Variants in SPTA1 observed in about 807,000 individuals in gnomAD.
The protein encoded by SPTA1 is spectrin alpha, erythrocytic 1.
In SPTA1, 177 loss-of-function variants were observed where a neutral mutation model predicts 324.7. The observed-to-expected ratio is 0.55, with a 90% CI of 0.48 to 0.62. The LOEUF (loss-of-function observed/expected upper bound fraction) is 0.62, where lower values mean the gene tolerates loss of function less well. Ranked by LOEUF, SPTA1 falls within the 20% of genes least tolerant of loss-of-function variation. The pLI, the probability that SPTA1 is intolerant of heterozygous loss-of-function variation, is 0.00. For synonymous variants in SPTA1, 1,195 were observed against 1,041.3 expected (o/e 1.15, Z -2.84); for missense variants, 3,162 against 2,883.6 (o/e 1.10, Z -2.21).
At chr1:158,679,523 A>G (rs564580077) in intron 5 of SPTA1, among the ~76,000 whole-genome samples, 1 of 152,238 alleles carries the variant, frequency 6.6e-6, no homozygotes, top group African/African-American at 2.4e-5. Context: ...ACTGGTATGT[A>G]AGAAGCATGG....
At position 158,652,524 on chromosome 1, in the gene SPTA1, A is replaced by G. The variant is rs1338806593; in HGVS notation, c.3318T>C (p.Thr1106=). 6.2e-7 allele frequency: 1 copy of G among 1,614,042 alleles called. No individual in the cohort carries two copies. Among genetic ancestry groups the G allele is most frequent in the Non-Finnish European group, 8.5e-7 (1 of 1,180,042 alleles). ...EWIQEKKAEN[T]GVELDDVWEL... The stretch of plus-strand genomic sequence containing the variant: ...CCCAAACATCATCTAGTTCCACTCC[A>G]GTGTTTTCTGCCTTTTTCTCTTGAA... Residue 1106 remains threonine, a synonymous_variant, in exon 23 of 52, where the codon ACT becomes ACC. Coordinates refer to ENST00000643759, the MANE Select transcript of SPTA1 (RefSeq NM_003126.4).
intron 39 of SPTA1, among the ~76,000 whole-genome samples, chr1:158,633,845 A>G (rs1194896936): frequency 6.6e-6 from 1 of 152,134 alleles, no homozygotes; most frequent in African/African-American, 2.4e-5. Flanking sequence ...GTATAGGTTT[A>G]AGTTATCTTT....
Position 158,648,516 on chromosome 1 carries a change from C to G in SPTA1, c.3707G>C (p.Gly1236Ala). 1 of 1,613,880 alleles carries G rather than the reference C, an allele frequency of 6.2e-7. No homozygotes were observed. Among genetic ancestry groups the G allele is most frequent in the Non-Finnish European group, 8.5e-7 (1 of 1,179,882 alleles). Residue 1236 changes from glycine (G) to alanine (A), a missense_variant, in exon 26 of 52, where the codon GGA becomes GCA. Physicochemically the swap from Gly to Ala is moderately conservative, Grantham distance 60 (BLOSUM62 0). Coordinates refer to ENST00000643759, the MANE Select transcript of SPTA1 (RefSeq NM_003126.4). ...TTGAAGGACTTGTCTCACCTTATCT[C>G]CCAGGGGTACGAGGTCCCTTTCAAA... is the stretch of plus-strand genomic sequence containing the variant. ...EGFERDLVPL[G>A]DKVTILGETA... is the part of the protein sequence containing the mutation.
chr1:158,674,544 T>C lies in SPTA1; in HGVS notation c.1244A>G (p.His415Arg), dbSNP rs1654267532. 1 of 1,614,110 alleles carries C rather than the reference T, an allele frequency of 6.2e-7. No homozygotes were observed. The highest frequency in any genetic ancestry group is 1.1e-5 in the South Asian group (1 of 91,088). Residue 415 changes from histidine (H) to arginine (R), a missense_variant, in exon 9 of 52, where the codon CAT becomes CGT. By Grantham distance (29) the His-to-Arg change is conservative (BLOSUM62 0). Coordinates refer to ENST00000643759, the MANE Select transcript of SPTA1 (RefSeq NM_003126.4). ...TGGGCAGCCTTTCTTCTCTACCTTA[T>C]GCTGCTGATGCCTGTCCAGCAGAAC... ...GEVLLDRHQQ[H>R]KHEIDSYDDR...
In SPTA1 at chr1:158,614,216, A is replaced by G. The variant is rs374925419; in HGVS notation, c.6842+37T>C. ...TGTAGACTCATTCTGAATAATCTGA[A>G]AAACAAAGAAGCAGTTAACTATGAA... On this transcript the variant is annotated intron_variant, in intron 49 of 51. Coordinates refer to ENST00000643759, the MANE Select transcript of SPTA1 (RefSeq NM_003126.4). The G allele has an allele frequency of 8.9e-6, 13 of 1,453,934 alleles. No individual in the cohort carries two copies. The African/African-American group carries it at 1.7e-4, about 19-fold the overall frequency. 90.1% of individuals were successfully genotyped at this position (1,453,934 alleles called of 1,614,324 possible).
rs754835014 is a variant in SPTA1 at position 158,615,203 on chromosome 1, AC to A, written c.6788+12del. On this transcript the variant is annotated intron_variant, in intron 48 of 51. Transcript: ENST00000643759. ...CTGCATCCCTCCCTGCTCTGGCCAC[AC>A]GCCCTCAATACTTGGCCTGGATCTG... 6.2e-7 allele frequency: 1 copy of A among 1,612,724 alleles called. No individual in the cohort carries two copies. The highest frequency in any genetic ancestry group is 1.1e-5 in the South Asian group (1 of 91,014).
Position 158,623,160 on chromosome 1 carries a change from C to T in SPTA1, c.5943G>A (p.Gln1981=), listed in dbSNP as rs139443888. 8.1e-6 allele frequency: 13 copies of T among 1,614,146 alleles called. No individual in the cohort carries two copies. The African/African-American group carries it at 1.6e-4, about 20-fold the overall frequency. ...DTLDASLQSF[Q]QERLPEITDL... is the part of the protein sequence containing the mutation. ...CAGTGATCTCGGGAAGTCTCTCTTG[C>T]TGGAAACTCTGCAGACTGGCATCCA... The change falls in exon 43 of 52, where the codon CAG becomes CAA. Residue 1981 remains glutamine (Q), a synonymous_variant. Transcript: ENST00000643759.
intron 29 of SPTA1, 90 bp downstream of exon 29, chr1:158,645,098 T>A: frequency 7.3e-7 from 1 of 1,362,414 alleles, no homozygotes; most frequent in Non-Finnish European, 1.0e-6. Context: ...ACGTGGAAAG[T>A]CTAGTGAACG....
At position 158,627,716 on chromosome 1, in the gene SPTA1, A is replaced by G; in HGVS notation, c.5573T>C (p.Leu1858Pro). ...GDTLAATQSL[L>P]MKHEALENDF... ...ATTTTCCAAAGCTTCATGCTTCATT[A>G]GCAAGCTCTGCATAAATAAGTCGGT... The change falls in exon 40 of 52, where the codon CTA becomes CCA. Residue 1858 changes from leucine (L) to proline (P), a missense_variant. Physicochemically the swap from Leu to Pro is moderately conservative, Grantham distance 98 (BLOSUM62 -3). Coordinates refer to ENST00000643759, the MANE Select transcript of SPTA1 (RefSeq NM_003126.4). The G allele has an allele frequency of 1.4e-5, 23 of 1,612,460 alleles. No homozygotes were observed. Among genetic ancestry groups the G allele is most frequent in the Non-Finnish European group, 1.9e-5 (23 of 1,179,660 alleles).
At position 158,611,097 on chromosome 1, in the gene SPTA1, T is replaced by C. The variant is rs3768535; in HGVS notation, c.*167A>G. The stretch of plus-strand genomic sequence containing the variant: ...CTCCCACCCTTGAGATTTTTTAAGA[T>C]CCTACAATAAATGTAATATGCACAC... On this transcript the variant is annotated 3_prime_UTR_variant, in exon 52 of 52. Coordinates refer to ENST00000643759, the MANE Select transcript of SPTA1 (RefSeq NM_003126.4). 0.26 allele frequency: 234,494 copies of C among 913,686 alleles called. 31,521 individuals carry two copies. Among genetic ancestry groups the C allele is most frequent in the Non-Finnish European group, 0.27 (164,032 of 606,704 alleles). The allele number at this position is 913,686 out of a possible 1,614,324, so 56.6% of individuals were successfully genotyped here. A position where few individuals can be genotyped will look rare whatever the true frequency, so the allele number is the denominator to read the frequency against.
Position 158,667,861 on chromosome 1 carries a change from T to C in SPTA1, c.2035A>G (p.Lys679Glu). 1 of 1,613,884 alleles carries C rather than the reference T, an allele frequency of 6.2e-7. No homozygotes were observed. The highest frequency in any genetic ancestry group is 2.2e-5 in the East Asian group (1 of 44,826). ...WEELLEATKQ[K>E]GTQLHEANQQ... ...CACCAAAACCTCTGCTTTTTACCTT[T>C]CTGTTTTGTAGCCTCCAGCAACTCC... Residue 679 changes from lysine (K) to glutamate (E), a missense_variant, in exon 15 of 52, where the codon AAA becomes GAA. Lys to Glu is a moderately conservative substitution (Grantham distance 56). Transcript: ENST00000643759.
At chr1:158,668,698 T>TTATATAACA (rs1221707605) in intron 14 of SPTA1, among the ~76,000 whole-genome samples, 1 of 152,208 alleles carries the variant, frequency 6.6e-6, no homozygotes, top group East Asian at 1.9e-4. Context: ...ATAGTTTATA[T>TTATATAACA]TATATAACAT....
intron 4 of SPTA1, 105 bp from the exon 5 acceptor site, chr1:158,680,834 A>G: frequency 1.4e-6 from 2 of 1,454,530 alleles, no homozygotes; most frequent in Non-Finnish European, 1.9e-6. Flanking sequence ...TCAAATGGAG[A>G]TACTGGGGGA....
rs138130068 is a variant in SPTA1 at position 158,628,674 on chromosome 1, G to T, written c.5566-951C>A. On this transcript the variant is annotated intron_variant, in intron 39 of 51. Transcript: ENST00000643759. ...AATCATATTTTTATATATGTATACT[G>T]CATGAAATAAAGTATCTTTAACATC... 7.9e-3 allele frequency among the ~76,000 whole-genome samples: 1,206 copies of T among 152,150 alleles called. 21 individuals are homozygous for T. Among genetic ancestry groups the T allele is most frequent in the African/African-American group, 0.027 (1,127 of 41,508 alleles).
chr1:158,655,151 C>T lies in SPTA1; in HGVS notation c.2899-403G>A, dbSNP rs945303071. Among the ~76,000 whole-genome samples the T allele has an allele frequency of 4.6e-5, 7 of 152,132 alleles. No homozygotes were observed. In the East Asian group the frequency reaches 9.6e-4, roughly 21 times the overall value. ...ACCCACTCTCTGTCGTCACCTTTCC[C>T]TGTACCTCCAGTGATAATTCTTCCC... On this transcript the variant is annotated intron_variant, in intron 20 of 51. Coordinates refer to ENST00000643759, the MANE Select transcript of SPTA1 (RefSeq NM_003126.4).
At position 158,686,706 on chromosome 1, in the gene SPTA1, T is replaced by G. The variant is rs1214964120; in HGVS notation, c.-189A>C. 9 of 532,024 alleles carry G rather than the reference T, an allele frequency of 1.7e-5. No individual in the cohort carries two copies. The East Asian group carries it at 2.6e-4, about 16-fold the overall frequency. The allele number at this position is 532,024 out of a possible 1,614,324, so 33.0% of individuals were successfully genotyped here. On this transcript the variant is annotated 5_prime_UTR_variant, in exon 1 of 52. Coordinates refer to ENST00000643759, the MANE Select transcript of SPTA1 (RefSeq NM_003126.4). Reference sequence around the variant, plus strand: ...AGCCATACACAATCGACATTATCTTTAGAAGACATACTCAGCTGAGGCAAC... The same window carrying G: ...AGCCATACACAATCGACATTATCTTGAGAAGACATACTCAGCTGAGGCAAC...
Position 158,618,065 on chromosome 1 carries a change from G to T in SPTA1, c.6531-9C>A. Reference sequence around the variant, plus strand: ...CATCCAGAAAGTAAGCCCTGGACATGGAGGTCCGGAACAGGAATCACATGA... The same window carrying T: ...CATCCAGAAAGTAAGCCCTGGACATTGAGGTCCGGAACAGGAATCACATGA... On this transcript the variant is annotated splice_polypyrimidine_tract_variant and intron_variant, in intron 45 of 51. Coordinates refer to ENST00000643759, the MANE Select transcript of SPTA1 (RefSeq NM_003126.4). 6.2e-7 allele frequency: 1 copy of T among 1,611,382 alleles called. No homozygotes were observed. Among genetic ancestry groups the T allele is most frequent in the South Asian group, 1.1e-5 (1 of 91,038 alleles).
intron 1 of SPTA1, among the ~76,000 whole-genome samples, chr1:158,685,800 AAC>A (rs1225559328): frequency 1.1e-4 from 16 of 152,328 alleles, no homozygotes; most frequent in Non-Finnish European, 2.2e-4. Context: ...TGATATATGC[AAC>A]AGTTTGAAAA....
At position 158,680,662 on chromosome 1, in the gene SPTA1, A is replaced by G; in HGVS notation, c.599T>C (p.Phe200Ser). Residue 200 changes from phenylalanine to serine, a missense_variant, in exon 5 of 52, where the codon TTT becomes TCT. Coordinates refer to ENST00000643759, the MANE Select transcript of SPTA1 (RefSeq NM_003126.4). Reference sequence around the variant, plus strand: ...TACCAGCTCCACTTGGAAGTCTTCAAATTTCTTATGCAGAACTTCGGTGCG... The same window carrying G: ...TACCAGCTCCACTTGGAAGTCTTCAGATTTCTTATGCAGAACTTCGGTGCG... Reference protein sequence around the residue: ...WERTEVLHKKFEDFQVELVAK... With the variant: ...WERTEVLHKKSEDFQVELVAK... The G allele has an allele frequency of 6.2e-7, 1 of 1,613,944 alleles. No homozygotes were observed. Among genetic ancestry groups the G allele is most frequent in the Middle Eastern group, 1.7e-4 (1 of 6,056 alleles).
Sources: allele counts gnomAD v4.1 joint callset (sites outside exome capture counted in the v4.1 genomes callset), GRCh38; gene constraint gnomAD v4.1.1; transcripts MANE v1.5; gene names NCBI Gene and HGNC (gene_info 2026-07-23, HGNC 2026-07-21).